The following CLSTN2 variants were observed in gnomAD, a reference collection of about 807,000 sequenced individuals.
CLSTN2 encodes the protein calsyntenin 2, also known as calsyntenin-2.
In CLSTN2, 48 loss-of-function variants were observed where a neutral mutation model predicts 101.2. That is an observed-to-expected ratio of 0.47 (90% confidence interval 0.38 to 0.60). The LOEUF is 0.60. Among genes scored for constraint, CLSTN2 ranks in the 20% least tolerant of loss-of-function variants. The pLI is 0.00. For synonymous variants in CLSTN2, 481 were observed against 463.6 expected (o/e 1.04, Z -0.48); for missense variants, 1,160 against 1,238.2 (o/e 0.94, Z 0.95).
At chr3:140,231,304 G>T (rs547673436) in intron 2 of CLSTN2, among the ~76,000 whole-genome samples, 5 of 151,978 alleles carry the variant, frequency 3.3e-5, no homozygotes, top group African/African-American at 1.2e-4. Flanking sequence ...CATCTACTGC[G>T]GGAGTTCCAT....
rs867176551 is a variant in CLSTN2 at position 139,953,548 on chromosome 3, G to T, written c.109+18065G>T. ...CTCCCTGGCCCCTAGACCCCTCTGT[G>T]CTTGCCAAGTGTGGCAGGTCAGTAG... On this transcript the variant is annotated intron_variant, in intron 1 of 16. Coordinates refer to ENST00000458420, the MANE Select transcript of CLSTN2 (RefSeq NM_022131.3). Among the ~76,000 whole-genome samples, 5 of 152,268 alleles carry T rather than the reference G, an allele frequency of 3.3e-5. No homozygotes were observed. In the Middle Eastern group the frequency reaches 0.017, roughly 518 times the overall value.
chr3:140,086,270 G>C (rs2008679365), intron 1 of CLSTN2, among the ~76,000 whole-genome samples: 1 of 152,148 alleles, frequency 6.6e-6, no homozygotes, highest in Non-Finnish European at 1.5e-5. Flanking sequence ...GTCTGCTATG[G>C]GAATGGGATA....
chr3:140,512,086 T>C (rs1481348695), intron 8 of CLSTN2, among the ~76,000 whole-genome samples: 1 of 152,084 alleles, frequency 6.6e-6, no homozygotes, highest in Non-Finnish European at 1.5e-5. Context: ...ATTCTGTAGG[T>C]TTTCTGTTCA....
chr3:140,463,783 T>C (rs539480267), intron 7 of CLSTN2, among the ~76,000 whole-genome samples: 1 of 152,228 alleles, frequency 6.6e-6, no homozygotes, highest in African/African-American at 2.4e-5. Context: ...GTTTTTGTTA[T>C]TGTGGGCCAA....
At chr3:139,995,929 G>A (rs562422347) in intron 1 of CLSTN2, among the ~76,000 whole-genome samples, 2 of 152,276 alleles carry the variant, frequency 1.3e-5, no homozygotes, top group Non-Finnish European at 2.9e-5. Context: ...TTTTCATTAT[G>A]TACTATTAGG....
intron 1 of CLSTN2, among the ~76,000 whole-genome samples, chr3:140,031,771 T>C (rs1477162402): frequency 6.6e-6 from 1 of 152,192 alleles, no homozygotes; most frequent in East Asian, 1.9e-4. Flanking sequence ...TATAAATAGA[T>C]GGGGTGATGC....
Position 140,448,532 on chromosome 3 carries a change from G to T in CLSTN2, c.801G>T (p.Arg267Ser). The change falls in exon 6 of 17, where the codon AGG (arginine) becomes AGT (serine). Residue 267 changes from arginine (R) to serine (S), a missense_variant. Coordinates refer to ENST00000458420, the MANE Select transcript of CLSTN2 (RefSeq NM_022131.3). ...TTGTTTGTTTAGACTGGACCAAGAG[G>T]ATTGAGTACCAGCCTGGCTCCGGGA... ...CKPGWQDWTK[R>S]IEYQPGSGSM... 6.2e-7 allele frequency: 1 copy of T among 1,613,934 alleles called. No homozygotes were observed.
intron 2 of CLSTN2, among the ~76,000 whole-genome samples, chr3:140,200,641 G>A (rs1416160974): frequency 6.6e-6 from 1 of 152,012 alleles, no homozygotes; most frequent in Non-Finnish European, 1.5e-5. Flanking sequence ...TTTTTTTCTT[G>A]TCCTAAGGCA....
intron 1 of CLSTN2, among the ~76,000 whole-genome samples, chr3:140,010,351 C>A (rs2007047154): frequency 6.6e-6 from 1 of 152,130 alleles, no homozygotes; most frequent in Non-Finnish European, 1.5e-5. Flanking sequence ...ACTGAAAATT[C>A]CAGAGGTAGA....
chr3:139,969,958 A>G (rs1935666468), intron 1 of CLSTN2, among the ~76,000 whole-genome samples: 1 of 152,204 alleles, frequency 6.6e-6, no homozygotes, highest in African/African-American at 2.4e-5. Flanking sequence ...GTGACATAAA[A>G]GGAGAGGGCA....
Position 140,421,131 on chromosome 3 carries a change from T to C in CLSTN2, c.644T>C (p.Ile215Thr). The C allele has an allele frequency of 6.2e-7, 1 of 1,613,854 alleles. No homozygotes were observed. Among genetic ancestry groups the C allele is most frequent in the African/African-American group, 1.3e-5 (1 of 75,034 alleles). ...VPFAIDRNGN[I>T]RNTEKLSYDK... ...GAACATCTCTGTTCCTCAGGCAACA[T>C]CAGGAACACTGAGAAGCTGAGCTAT... The change falls in exon 5 of 17, where the codon ATC (isoleucine) becomes ACC (threonine). Residue 215 changes from isoleucine to threonine, a missense_variant. Transcript: ENST00000458420.
intron 1 of CLSTN2, among the ~76,000 whole-genome samples, chr3:139,992,274 C>T (rs559670204): frequency 2.6e-5 from 4 of 152,230 alleles, no homozygotes; most frequent in South Asian, 4.2e-4. Flanking sequence ...GAGGATCGCT[C>T]GTGCAATGAC....
At chr3:140,328,494 G>A (rs2087352151) in intron 2 of CLSTN2, among the ~76,000 whole-genome samples, 1 of 152,142 alleles carries the variant, frequency 6.6e-6, no homozygotes, top group African/African-American at 2.4e-5. Context: ...CTTTACCCTC[G>A]AGTTTTCCTA....
intron 1 of CLSTN2, among the ~76,000 whole-genome samples, chr3:140,076,625 G>GTTTTTTTT (rs35645750): frequency 0.024 from 896 of 38,074 alleles, 158 homozygotes; most frequent in African/African-American, 0.038. Flanking sequence ...CACCAGCAGT[G>GTTTTTTTT]TTTTTTTTTT....
intron 1 of CLSTN2, among the ~76,000 whole-genome samples, chr3:140,098,231 C>A (rs894695775): frequency 3.3e-5 from 5 of 152,200 alleles, no homozygotes; most frequent in African/African-American, 1.2e-4. Flanking sequence ...CTTCTACAAC[C>A]TGGTAGACAC....
intron 1 of CLSTN2, among the ~76,000 whole-genome samples, chr3:140,168,641 A>G (rs1170155721): frequency 6.6e-6 from 1 of 152,122 alleles, no homozygotes; most frequent in African/African-American, 2.4e-5. Context: ...TTCTACATTC[A>G]GGACTATGAC....
intron 2 of CLSTN2, among the ~76,000 whole-genome samples, chr3:140,271,028 T>C (rs548044913): frequency 4.6e-5 from 7 of 152,308 alleles, no homozygotes; most frequent in African/African-American, 1.7e-4. Context: ...ATCCTCCTGC[T>C]AGATAATTCT....
intron 2 of CLSTN2, among the ~76,000 whole-genome samples, chr3:140,231,063 C>A (rs1442266975): frequency 6.6e-6 from 1 of 152,138 alleles, no homozygotes; most frequent in Non-Finnish European, 1.5e-5. Flanking sequence ...AATGAAACAT[C>A]TTTTATAGAT....
intron 2 of CLSTN2, among the ~76,000 whole-genome samples, chr3:140,306,067 C>T (rs1459094677): frequency 6.6e-6 from 1 of 152,192 alleles, no homozygotes; most frequent in Non-Finnish European, 1.5e-5. Context: ...CCTACACCCT[C>T]ATAGAAATGT....
Sources: gnomAD v4.1 joint callset for allele counts (sites outside exome capture counted in the v4.1 genomes callset) on GRCh38, gnomAD v4.1.1 for gene constraint, MANE v1.5 for transcripts, NCBI Gene and HGNC (gene_info 2026-07-23, HGNC 2026-07-21) for gene names.